The following MGST1 variants were observed in gnomAD, a reference collection of about 807,000 sequenced individuals.
The protein encoded by MGST1 is glutathione S-transferase 12.
A neutral mutation model predicts 8.9 loss-of-function variants in MGST1; 5 were observed. The observed-to-expected ratio is 0.56, with a 90% CI of 0.29 to 1.19. MGST1 has a LOEUF of 1.19. Among genes scored for constraint, MGST1 ranks in the 50% most tolerant of loss-of-function variants. The pLI is 0.08. For synonymous variants in MGST1, 54 were observed against 67.8 expected, an observed-to-expected ratio of 0.80 and a Z score of 1.00; for missense variants, 182 against 187.4, an observed-to-expected ratio of 0.97 and a Z score of 0.17.
chr12:16,508,935 T>C (rs1941558427), intron 4 of MGST1, among the ~76,000 whole-genome samples: 1 of 152,176 alleles, frequency 6.6e-6, no homozygotes, highest in Admixed American at 6.5e-5. Context: ...TAGGGGGTAT[T>C]TTGGACTTAC....
downstream of MGST1, among the ~76,000 whole-genome samples, chr12:16,591,658 A>G (rs1168423160): frequency 1.3e-5 from 2 of 152,072 alleles, no homozygotes; most frequent in East Asian, 3.9e-4. This position sits in a 1 kb window ranked among gnomAD's most constrained non-coding sequence, Gnocchi z 4.1. Context: ...GTACAAGGAA[A>G]GATAAGCATT....
At chr12:16,563,300 C>T (rs1342965672) in intron 4 of MGST1, among the ~76,000 whole-genome samples, 3 of 152,172 alleles carry the variant, frequency 2.0e-5, no homozygotes, top group African/African-American at 7.2e-5. Context: ...TAGCTACATT[C>T]GAGTTCTCTT....
At chr12:16,528,980 C>T (rs1188158654) in intron 4 of MGST1, among the ~76,000 whole-genome samples, 2 of 151,512 alleles carry the variant, frequency 1.3e-5, no homozygotes, top group Non-Finnish European at 3.0e-5. Context: ...TCAGTGAGAG[C>T]TCTTAGCCTT....
At chr12:16,591,589 C>G (rs113145474), downstream of MGST1, among the ~76,000 whole-genome samples, 240 of 152,002 alleles carry the variant, frequency 1.6e-3, 4 homozygotes, top group African/African-American at 5.5e-3. This position sits in a 1 kb window ranked among gnomAD's most constrained non-coding sequence, Gnocchi z 4.1. Context: ...ACAGAATGAT[C>G]ACATTTATTG....
In MGST1 at chr12:16,560,828, C is replaced by A; in HGVS notation, n.483-28700C>A. 1.2e-5 allele frequency: 5 copies of A among 425,182 alleles called. No individual in the cohort carries two copies. Among genetic ancestry groups the A allele is most frequent in the African/African-American group, 2.1e-5 (1 of 48,438 alleles). The allele number at this position is 425,182 out of a possible 1,614,324, so 26.3% of individuals were successfully genotyped here. A position where few individuals can be genotyped will look rare whatever the true frequency, so the allele number is the denominator to read the frequency against. ...GAAGTCAATGGGGGTGAATTCATAG[C>A]AAAAATCTCTGGGTTAGAGTATATA... On this transcript the variant is annotated intron_variant and non_coding_transcript_variant, in intron 4 of 4. Coordinates refer to the MGST1 transcript ENST00000538857. The surrounding 1 kb of genome is among the most constrained non-coding windows in gnomAD (Gnocchi z 5.0).
intron 1 of MGST1, among the ~76,000 whole-genome samples, chr12:16,421,528 C>T (rs187403016): frequency 1.7e-3 from 260 of 152,274 alleles, no homozygotes; most frequent in Non-Finnish European, 1.9e-3. Context: ...GACTGCAGAT[C>T]TAGGATCTAC....
intron 1 of MGST1, among the ~76,000 whole-genome samples, chr12:16,421,447 T>G (rs1363237206): frequency 1.3e-5 from 2 of 152,200 alleles, no homozygotes; most frequent in African/African-American, 4.8e-5. Context: ...GTGGCAATAA[T>G]GGAAATCACT....
chr12:16,527,513 G>T (rs1941694844), intron 4 of MGST1, among the ~76,000 whole-genome samples: 1 of 151,996 alleles, frequency 6.6e-6, no homozygotes, highest in Non-Finnish European at 1.5e-5. Flanking sequence ...GCAGGCAGGA[G>T]ATTATAAAAC....
chr12:16,516,299 A>T lies in MGST1; in HGVS notation n.483-73229A>T, dbSNP rs75925016. On this transcript the variant is annotated intron_variant and non_coding_transcript_variant, in intron 4 of 4. Transcript: ENST00000538857. ...TCTGAATTAGTCTTTCCAGTAGGTT[A>T]TCTAAGGAAAGTAATATGGAGTCAT... 4.8e-3 allele frequency among the ~76,000 whole-genome samples: 727 copies of T among 152,354 alleles called. 8 individuals are homozygous for T. The highest frequency in any genetic ancestry group is 0.017 in the African/African-American group (702 of 41,588).
At chr12:16,476,488 G>A (rs969191261) in intron 4 of MGST1, among the ~76,000 whole-genome samples, 12 of 152,250 alleles carry the variant, frequency 7.9e-5, no homozygotes, top group Admixed American at 4.6e-4. Flanking sequence ...CAGGCCCTTC[G>A]TAGGTGCTGG....
rs1939615274 is a variant in MGST1 at position 16,354,370 on chromosome 12, A to G, written c.118A>G (p.Thr40Ala). ...MSTATAFYRL[T>A]RKVFANPEDC... ...TACTGCAACTGCATTCTATAGATTGACAAGAAAGGTAAGAAATTTGGAGGT... is the reference window on the plus strand; with the variant it reads ...TACTGCAACTGCATTCTATAGATTGGCAAGAAAGGTAAGAAATTTGGAGGT... The change falls in exon 2 of 4, where the codon ACA (threonine) becomes GCA (alanine). Residue 40 changes from threonine to alanine, a missense_variant. Physicochemically the swap from Thr to Ala is moderately conservative, Grantham distance 58. Transcript: ENST00000396210. 6.3e-7 allele frequency: 1 copy of G among 1,590,834 alleles called. No individual in the cohort carries two copies. The highest frequency in any genetic ancestry group is 1.4e-5 in the African/African-American group (1 of 73,670).
At position 16,395,188 on chromosome 12, in the gene MGST1, A is replaced by G. The variant is rs1940594207; in HGVS notation, n.778+11584A>G. ...TCACATATAGGTCATAATGCTGGGG[A>G]AGGATTTTTTATATATATATTAGAA... On this transcript the variant is annotated intron_variant and non_coding_transcript_variant, in intron 1 of 1. Transcript: ENST00000359720. Among the ~76,000 whole-genome samples the G allele has an allele frequency of 2.0e-5, 3 of 151,870 alleles. No homozygotes were observed. In the South Asian group the frequency reaches 6.2e-4, roughly 32 times the overall value.
intron 4 of MGST1, among the ~76,000 whole-genome samples, chr12:16,528,335 C>T (rs979167341): frequency 2.0e-5 from 3 of 151,556 alleles, no homozygotes; most frequent in Admixed American, 6.6e-5. Context: ...GCGAGGGGAA[C>T]GTATATAAAG....
Position 16,500,386 on chromosome 12 carries a change from T to A in MGST1, n.483-89142T>A, listed in dbSNP as rs1292964000. On this transcript the variant is annotated intron_variant and non_coding_transcript_variant, in intron 4 of 4. Transcript: ENST00000538857. This position sits in a 1 kb window ranked among gnomAD's most constrained non-coding sequence, Gnocchi z 4.3. ...TTATAACAACAGCTATTCCCAACCT[T>A]CTAGCTTGATCCATTCAGGGACACA... Among the ~76,000 whole-genome samples, 1 of 152,324 alleles carries A rather than the reference T, an allele frequency of 6.6e-6. No homozygotes were observed. Among genetic ancestry groups the A allele is most frequent in the East Asian group, 1.9e-4 (1 of 5,188 alleles).
At chr12:16,360,269 CT>C (rs4646413) in intron 3 of MGST1, 3,918 of 659,728 alleles carry the variant, frequency 5.9e-3, no homozygotes, top group Non-Finnish European at 6.7e-3. Flanking sequence ...TTAAGTTAGA[CT>C]TTTTTTTTTC....
chr12:16,466,199 A>C (rs1380679653), intron 4 of MGST1, among the ~76,000 whole-genome samples: 1 of 152,206 alleles, frequency 6.6e-6, no homozygotes, highest in Non-Finnish European at 1.5e-5. Context: ...ATTGGCAGCT[A>C]GTCCCATGGC....
At position 16,410,140 on chromosome 12, in the gene MGST1, C is replaced by T. The variant is rs1439029540; in HGVS notation, n.778+26536C>T. 2.0e-5 allele frequency among the ~76,000 whole-genome samples: 3 copies of T among 152,088 alleles called. No homozygotes were observed. Among genetic ancestry groups the T allele is most frequent in the Non-Finnish European group, 4.4e-5 (3 of 68,008 alleles). On this transcript the variant is annotated intron_variant and non_coding_transcript_variant, in intron 1 of 1. Coordinates refer to the MGST1 transcript ENST00000359720. This position sits in a 1 kb window ranked among gnomAD's most constrained non-coding sequence, Gnocchi z 4.4. ...TGAAGTTTAAGTTTGTCAGGTTCAG[C>T]AAATGTCACAGGGTCAAAGTGGTTA...
intron 4 of MGST1, among the ~76,000 whole-genome samples, chr12:16,520,324 A>T (rs1941640771): frequency 6.6e-6 from 1 of 152,208 alleles, no homozygotes; most frequent in African/African-American, 2.4e-5. Context: ...TGTACAAAAA[A>T]CACTAAGAGA....
chr12:16,447,270 A>G (rs139122200), intron 4 of MGST1, among the ~76,000 whole-genome samples: 25 of 151,976 alleles, frequency 1.6e-4, no homozygotes, highest in African/African-American at 5.8e-4. Context: ...CATTTATCCA[A>G]ATATGCTGGC....
Sources: allele counts gnomAD v4.1 joint callset (sites outside exome capture counted in the v4.1 genomes callset), GRCh38; gene constraint gnomAD v4.1.1; non-coding constraint Gnocchi (gnomAD v3.1); transcripts MANE v1.5; gene names NCBI Gene and HGNC (gene_info 2026-07-23, HGNC 2026-07-21).